The following ATRNL1 variants were observed in gnomAD, a reference collection of about 807,000 sequenced individuals.
ATRNL1 encodes attractin-like protein 1.
A neutral mutation model predicts 182.7 loss-of-function variants in ATRNL1; 95 were observed. That is an observed-to-expected ratio of 0.52 (90% CI 0.44 to 0.62). The LOEUF is 0.62. Among genes scored for constraint, ATRNL1 ranks in the 20% least tolerant of loss-of-function variants. The probability of loss-of-function intolerance (pLI) is 0.00; values close to 1 mark genes in which losing one functional copy is unlikely to be tolerated. For synonymous variants in ATRNL1, 576 were observed against 568.3 expected (o/e 1.01, Z -0.19); for missense variants, 1,471 against 1,679.5 (o/e 0.88, Z 2.17).
At chr10:115,350,346 G>GAAAAAAAA (rs71010016) in intron 19 of ATRNL1, among the ~76,000 whole-genome samples, 2 of 66,376 alleles carry the variant, frequency 3.0e-5, no homozygotes. Context: ...AAAAAAAAAA[G>GAAAAAAAA]AAAAAAAAAA....
At chr10:115,342,289 G>A (rs1158687240) in intron 19 of ATRNL1, among the ~76,000 whole-genome samples, 1 of 151,258 alleles carries the variant, frequency 6.6e-6, no homozygotes, top group Non-Finnish European at 1.5e-5. Flanking sequence ...TTCCTTTAGT[G>A]AAGGCCTTTT....
intron 24 of ATRNL1, among the ~76,000 whole-genome samples, chr10:115,496,036 G>A (rs1216220560): frequency 6.6e-6 from 1 of 152,082 alleles, no homozygotes; most frequent in African/African-American, 2.4e-5. Flanking sequence ...AGGATAGTTA[G>A]TTGTTCTTTA....
intron 24 of ATRNL1, among the ~76,000 whole-genome samples, chr10:115,505,716 G>A (rs1420258396): frequency 1.3e-5 from 2 of 151,812 alleles, no homozygotes; most frequent in Non-Finnish European, 2.9e-5. Context: ...CAAGGTTCTA[G>A]GAGAGAAAAA....
chr10:115,805,458 T>A (rs1175326161), intron 27 of ATRNL1, among the ~76,000 whole-genome samples: 2 of 152,162 alleles, frequency 1.3e-5, no homozygotes, highest in African/African-American at 4.8e-5. Context: ...GTTACATAAA[T>A]TGGAACTTCC....
chr10:115,532,576 G>A (rs1225798769), intron 25 of ATRNL1, among the ~76,000 whole-genome samples: 3 of 151,540 alleles, frequency 2.0e-5, no homozygotes, highest in African/African-American at 7.3e-5. Flanking sequence ...TGCAAACAGG[G>A]ACAATTTGAC....
intron 26 of ATRNL1, among the ~76,000 whole-genome samples, chr10:115,611,278 A>G (rs982250914): frequency 1.3e-5 from 2 of 152,106 alleles, no homozygotes; most frequent in African/African-American, 2.4e-5. Context: ...TATAAGTAGT[A>G]TTTCGGGCTT....
intron 27 of ATRNL1, among the ~76,000 whole-genome samples, chr10:115,839,678 C>T (rs960214448): frequency 6.6e-6 from 1 of 152,100 alleles, no homozygotes; most frequent in Non-Finnish European, 1.5e-5. Context: ...CCGTTACTAC[C>T]CCCAGGACTC....
intron 25 of ATRNL1, among the ~76,000 whole-genome samples, chr10:115,537,961 C>T (rs1852136649): frequency 6.6e-6 from 1 of 152,108 alleles, no homozygotes; most frequent in Non-Finnish European, 1.5e-5. Flanking sequence ...TCCAGAATGT[C>T]ATTCAAATGG....
chr10:115,659,699 C>A (rs538521285), intron 26 of ATRNL1, among the ~76,000 whole-genome samples: 18 of 152,100 alleles, frequency 1.2e-4, no homozygotes, highest in African/African-American at 3.9e-4. Context: ...TCATAACTTA[C>A]ACATAATCAT....
intron 27 of ATRNL1, among the ~76,000 whole-genome samples, chr10:115,847,215 G>A (rs1022932268): frequency 6.6e-6 from 1 of 152,030 alleles, no homozygotes; most frequent in East Asian, 1.9e-4. Flanking sequence ...GGGACAGGGA[G>A]GGGGAGGATA....
intron 26 of ATRNL1, among the ~76,000 whole-genome samples, chr10:115,688,058 C>T (rs891343815): frequency 2.0e-5 from 3 of 152,038 alleles, no homozygotes; most frequent in South Asian, 2.1e-4. Context: ...TAAGTGAGAA[C>T]ATGCAGTATT....
intron 26 of ATRNL1, among the ~76,000 whole-genome samples, chr10:115,670,305 A>G (rs1945654789): frequency 6.6e-6 from 1 of 152,126 alleles, no homozygotes; most frequent in South Asian, 2.1e-4. Context: ...CATTGTTGCT[A>G]TTGAAAGACA....
intron 1 of ATRNL1, among the ~76,000 whole-genome samples, chr10:115,108,393 G>A (rs926601094): frequency 1.3e-5 from 2 of 152,190 alleles, no homozygotes; most frequent in Non-Finnish European, 2.9e-5. Flanking sequence ...TAGAAGATAA[G>A]AGAAAGAGAA....
chr10:115,325,408 G>T (rs1854819764), intron 18 of ATRNL1, among the ~76,000 whole-genome samples: 1 of 152,082 alleles, frequency 6.6e-6, no homozygotes, highest in Admixed American at 6.5e-5. Flanking sequence ...CCATTTTCTT[G>T]TTATTTGATA....
intron 13 of ATRNL1, among the ~76,000 whole-genome samples, chr10:115,277,028 A>G (rs1852135439): frequency 6.6e-6 from 1 of 152,040 alleles, no homozygotes; most frequent in Non-Finnish European, 1.5e-5. Flanking sequence ...TCATTTTTAT[A>G]GGTTATTTTA....
intron 10 of ATRNL1, among the ~76,000 whole-genome samples, chr10:115,261,711 G>A (rs1005188021): frequency 2.0e-5 from 3 of 152,084 alleles, no homozygotes; most frequent in African/African-American, 4.8e-5. Flanking sequence ...TAATATCACA[G>A]ATATATACTA....
intron 8 of ATRNL1, among the ~76,000 whole-genome samples, chr10:115,207,779 C>A (rs782709305): frequency 2.6e-5 from 4 of 151,808 alleles, no homozygotes; most frequent in Non-Finnish European, 5.9e-5. Context: ...TGTTCTTCTG[C>A]TTTTTTGTCT....
chr10:115,668,387 T>G (rs1280012037), intron 26 of ATRNL1, among the ~76,000 whole-genome samples: 2 of 152,174 alleles, frequency 1.3e-5, no homozygotes, highest in Non-Finnish European at 2.9e-5. Context: ...CTGAAATTGT[T>G]CACAATATTC....
chr10:115,882,361 C>G (rs1364150031), intron 28 of ATRNL1, among the ~76,000 whole-genome samples: 1 of 152,188 alleles, frequency 6.6e-6, no homozygotes, highest in East Asian at 1.9e-4. Context: ...CACCGAACTG[C>G]CTAAATAAGT....
Sources: allele counts gnomAD v4.1 joint callset (sites outside exome capture counted in the v4.1 genomes callset), GRCh38; gene constraint gnomAD v4.1.1; transcripts MANE v1.5; gene names NCBI Gene and HGNC (gene_info 2026-07-23, HGNC 2026-07-21).